The following DCLK1 variants were observed in gnomAD, a reference collection of about 807,000 sequenced individuals.
DCLK1 encodes doublecortin like kinase 1, also known as serine/threonine-protein kinase DCLK1.
A neutral mutation model predicts 86.2 loss-of-function variants in DCLK1; 16 were observed. The ratio of observed to expected loss-of-function variants is 0.19; its 90% CI spans 0.13 to 0.28. DCLK1 has a LOEUF of 0.28. DCLK1 is among the 10% of genes least tolerant of loss of function. The probability of loss-of-function intolerance (pLI) is 1.00; values close to 1 mark genes in which losing one functional copy is unlikely to be tolerated. For synonymous variants in DCLK1, 369 were observed against 370.5 expected (o/e 1.00, Z 0.05); for missense variants, 590 against 940.2 (o/e 0.63, Z 4.87).
intron 6 of DCLK1, among the ~76,000 whole-genome samples, chr13:35,841,843 T>C (rs1385002839): frequency 6.6e-6 from 1 of 152,180 alleles, no homozygotes; most frequent in African/African-American, 2.4e-5. Flanking sequence ...TTTTCCAAGA[T>C]GGTGACCATC....
At chr13:35,978,750 C>G (rs1265577404) in intron 3 of DCLK1, among the ~76,000 whole-genome samples, 4 of 152,172 alleles carry the variant, frequency 2.6e-5, no homozygotes, top group South Asian at 4.1e-4. Context: ...CTTACCCTGA[C>G]AAGAGATTAC....
chr13:35,853,520 A>G (rs1870810937), intron 6 of DCLK1, among the ~76,000 whole-genome samples: 1 of 152,232 alleles, frequency 6.6e-6, no homozygotes, highest in African/African-American at 2.4e-5. Flanking sequence ...GGCAGCCTAA[A>G]GACACAACCT....
intron 8 of DCLK1, among the ~76,000 whole-genome samples, chr13:35,831,872 A>G (rs1479954787): frequency 6.6e-6 from 1 of 152,152 alleles, no homozygotes; most frequent in Non-Finnish European, 1.5e-5. Context: ...AATTAAATCC[A>G]ACTTTTGGTG....
At chr13:35,925,409 C>T (rs1171051) in intron 4 of DCLK1, among the ~76,000 whole-genome samples, 7 of 152,024 alleles carry the variant, frequency 4.6e-5, no homozygotes, top group Admixed American at 2.0e-4. Context: ...ATTTAAAAGA[C>T]GATATAAAAT....
intron 3 of DCLK1, among the ~76,000 whole-genome samples, chr13:35,982,961 A>G (rs1012254984): frequency 4.6e-5 from 7 of 151,912 alleles, no homozygotes; most frequent in African/African-American, 1.7e-4. Context: ...ACAGGGTTTC[A>G]CCATGTTGGT....
At chr13:35,820,788 G>A (rs1368219613) in intron 11 of DCLK1, among the ~76,000 whole-genome samples, 1 of 152,148 alleles carries the variant, frequency 6.6e-6, no homozygotes, top group Admixed American at 6.5e-5. Flanking sequence ...ATATGTTTAG[G>A]CTACTGTGAA....
At chr13:35,958,053 A>ACCG (rs1284183583) in intron 3 of DCLK1, among the ~76,000 whole-genome samples, 1 of 44,106 alleles carries the variant, frequency 2.3e-5, no homozygotes, top group Non-Finnish European at 4.1e-5. Context: ...CACCATCACC[A>ACCG]CTATAACCAC....
At chr13:35,838,966 G>GTGAT (rs1489341334) in intron 7 of DCLK1, 126 bp downstream of exon 7, 32 of 803,152 alleles carry the variant, frequency 4.0e-5, no homozygotes, top group Non-Finnish European at 4.8e-5. Context: ...CTATCCCCTT[G>GTGAT]TGATTGACCC....
chr13:36,006,428 T>C (rs1050153054), intron 3 of DCLK1, among the ~76,000 whole-genome samples: 3 of 152,248 alleles, frequency 2.0e-5, no homozygotes, highest in African/African-American at 7.2e-5. Flanking sequence ...AAATAAAGCA[T>C]GAAACCTGAT....
At chr13:36,104,185 C>T (rs1885313079) in intron 3 of DCLK1, among the ~76,000 whole-genome samples, 1 of 152,164 alleles carries the variant, frequency 6.6e-6, no homozygotes, top group African/African-American at 2.4e-5. Context: ...CCCAGGGTGA[C>T]CAAGGCAGCT....
chr13:35,771,771 T>G lies in DCLK1; in HGVS notation c.*2764A>C, dbSNP rs1028263030. The stretch of plus-strand genomic sequence containing the variant: ...AAAAATATGGAAACACCGGTGGTGA[T>G]GATTAAATTGATAATTACATAGATA... On this transcript the variant is annotated 3_prime_UTR_variant, in exon 17 of 17. Coordinates refer to ENST00000360631, the MANE Select transcript of DCLK1 (RefSeq NM_001330071.2). 1 of 152,204 alleles carries G rather than the reference T, an allele frequency of 6.6e-6. No individual in the cohort carries two copies. Among genetic ancestry groups the G allele is most frequent in the East Asian group, 1.9e-4 (1 of 5,194 alleles). 9.4% of individuals were successfully genotyped at this position (152,204 alleles called of 1,614,324 possible). A position where few individuals can be genotyped will look rare whatever the true frequency, so the allele number is the denominator to read the frequency against.
chr13:35,803,967 C>A (rs904901241), intron 15 of DCLK1, among the ~76,000 whole-genome samples: 8 of 152,152 alleles, frequency 5.3e-5, no homozygotes, highest in Non-Finnish European at 1.0e-4. Flanking sequence ...GCTTCCCCAT[C>A]TGTCAGTGGG....
intron 4 of DCLK1, among the ~76,000 whole-genome samples, chr13:35,891,118 T>C (rs1873619558): frequency 6.6e-6 from 1 of 152,094 alleles, no homozygotes; most frequent in South Asian, 2.1e-4. Flanking sequence ...AAACAAAAGG[T>C]CACAAAGTAT....
At position 35,942,534 on chromosome 13, in the gene DCLK1, C is replaced by T. The variant is rs956555155; in HGVS notation, c.823+4824G>A. 1.1e-4 allele frequency among the ~76,000 whole-genome samples: 17 copies of T among 152,218 alleles called. 1 individual carries two copies. Among genetic ancestry groups the T allele is most frequent in the Non-Finnish European group, 4.4e-5 (3 of 68,034 alleles). ...AACCATATCAAGTCCAAAGCAGAAC[C>T]TTGTGGTGTGAAACCTGTTCACTCT... is the stretch of plus-strand genomic sequence containing the variant. On this transcript the variant is annotated intron_variant, in intron 4 of 16. Coordinates refer to ENST00000360631, the MANE Select transcript of DCLK1 (RefSeq NM_001330071.2).
rs1031163029 is a variant in DCLK1 at position 35,882,295 on chromosome 13, G to C, written c.824-10955C>G. Among the ~76,000 whole-genome samples the C allele has an allele frequency of 8.5e-5, 13 of 152,122 alleles. 1 individual carries two copies. The highest frequency in any genetic ancestry group is 7.2e-4 in the Admixed American group (11 of 15,278). ...CTTTCTTAGGTGGACATTTGTGATA[G>C]GATTTTGGTTCCCACCAGAATAACC... On this transcript the variant is annotated intron_variant, in intron 4 of 16. Transcript: ENST00000360631.
intron 15 of DCLK1, chr13:35,805,391 G>C: frequency 3.6e-6 from 1 of 278,658 alleles, no homozygotes; most frequent in Non-Finnish European, 6.7e-6. Flanking sequence ...CTGGTTTCCA[G>C]GGTCAAGCAA....
intron 3 of DCLK1, among the ~76,000 whole-genome samples, chr13:35,979,803 G>A (rs565004331): frequency 6.6e-6 from 1 of 152,284 alleles, no homozygotes; most frequent in Middle Eastern, 3.4e-3. Context: ...GCAACCACAT[G>A]CAGGCGGCCT....
intron 16 of DCLK1, among the ~76,000 whole-genome samples, chr13:35,787,350 G>A (rs576680478): frequency 6.6e-5 from 10 of 151,482 alleles, no homozygotes; most frequent in Middle Eastern, 3.4e-3. Flanking sequence ...TTAAGATGGC[G>A]AAAACAGCCT....
At position 35,769,710 on chromosome 13, in the gene DCLK1, T is replaced by C. The variant is rs1046029008; in HGVS notation, c.*4825A>G. 5.9e-5 allele frequency: 9 copies of C among 152,216 alleles called. No individual in the cohort carries two copies. Among genetic ancestry groups the C allele is most frequent in the African/African-American group, 2.2e-4 (9 of 41,454 alleles). 9.4% of individuals were successfully genotyped at this position (152,216 alleles called of 1,614,324 possible). A position where few individuals can be genotyped will look rare whatever the true frequency, so the allele number is the denominator to read the frequency against. The stretch of plus-strand genomic sequence containing the variant: ...AGCAACAGTGAAGACTTTAGAACTA[T>C]TACTTACTTTAAATTATTAAAGTAT... On this transcript the variant is annotated 3_prime_UTR_variant, in exon 17 of 17. Coordinates refer to ENST00000360631, the MANE Select transcript of DCLK1 (RefSeq NM_001330071.2).
Sources: allele counts gnomAD v4.1 joint callset (sites outside exome capture counted in the v4.1 genomes callset), GRCh38; gene constraint gnomAD v4.1.1; transcripts MANE v1.5; gene names NCBI Gene and HGNC (gene_info 2026-07-23, HGNC 2026-07-21).